NSD1: variants seen among roughly 807,000 people sequenced by gnomAD.
NSD1 encodes the protein nuclear receptor binding SET domain protein 1.
NSD1 carries 26 observed loss-of-function variants against 242.7 expected under a neutral mutation model. The ratio of observed to expected loss-of-function variants is 0.11; its 90% CI spans 0.08 to 0.15. The LOEUF (loss-of-function observed/expected upper bound fraction) is 0.15. NSD1 is among the 10% of genes least tolerant of loss of function. The pLI, the probability that NSD1 is intolerant of heterozygous loss-of-function variation, is 1.00. For synonymous variants in NSD1, 1,106 were observed against 1,178.1 expected (o/e 0.94, Z 1.25); for missense variants, 2,495 against 3,272.8 (o/e 0.76, Z 5.80).
rs2127281464 is a variant in NSD1 at position 177,294,494 on chromosome 5, G to C, written c.7126G>C (p.Glu2376Gln). 6.2e-7 allele frequency: 1 copy of C among 1,614,170 alleles called. No homozygotes were observed. Among genetic ancestry groups the C allele is most frequent in the Non-Finnish European group, 8.5e-7 (1 of 1,180,038 alleles). ...TGCCAGCCCAAGGCCCCAGTCACTG[G>C]AGAAAACCTCAGTTCCCACTGGCCT... ...GAASPRPQSLEKTSVPTGLRL... is the reference protein window; with the variant it reads ...GAASPRPQSLQKTSVPTGLRL... The change falls in exon 23 of 23, where the codon GAG becomes CAG. Residue 2376 changes from glutamate (E) to glutamine (Q), a missense_variant. Physicochemically the swap from Glu to Gln is conservative, Grantham distance 29. Coordinates refer to ENST00000439151, the MANE Select transcript of NSD1 (RefSeq NM_022455.5).
intron 2 of NSD1, among the ~76,000 whole-genome samples, chr5:177,157,538 A>G (rs759003001): frequency 1.1e-4 from 16 of 151,996 alleles, no homozygotes; most frequent in Non-Finnish European, 2.4e-4. Flanking sequence ...ATCTCTACTA[A>G]AAATACAAAA....
At chr5:177,230,085 T>C (rs1764940636) in intron 5 of NSD1, among the ~76,000 whole-genome samples, 1 of 152,172 alleles carries the variant, frequency 6.6e-6, no homozygotes, top group East Asian at 1.9e-4. Context: ...GTCACCATGC[T>C]GTTTCACTTA....
intron 3 of NSD1, among the ~76,000 whole-genome samples, chr5:177,198,435 G>A (rs944556522): frequency 2.6e-5 from 4 of 152,116 alleles, no homozygotes; most frequent in African/African-American, 9.7e-5. Flanking sequence ...CCTTGTTGCT[G>A]TGTCGTCATT....
chr5:177,171,112 A>G (rs1759667400), intron 2 of NSD1, among the ~76,000 whole-genome samples: 1 of 151,900 alleles, frequency 6.6e-6, no homozygotes, highest in African/African-American at 2.4e-5. Context: ...CACAAGGTCA[A>G]GAGATTGAGA....
chr5:177,166,418 T>G (rs919245763), intron 2 of NSD1, among the ~76,000 whole-genome samples: 7 of 151,976 alleles, frequency 4.6e-5, no homozygotes, highest in African/African-American at 7.2e-5. Context: ...TGTGGTGGCA[T>G]GCACCTGTAG....
At chr5:177,197,185 G>T (rs1282343223) in intron 3 of NSD1, among the ~76,000 whole-genome samples, 1 of 151,822 alleles carries the variant, frequency 6.6e-6, no homozygotes, top group African/African-American at 2.4e-5. Flanking sequence ...CAGGAGGATT[G>T]CTTAAACTTG....
chr5:177,266,005 A>C (rs1757412407), intron 14 of NSD1: 2 of 1,031,252 alleles, frequency 1.9e-6, no homozygotes. Flanking sequence ...TGATGGCCAC[A>C]TCTTTGATGC....
intron 9 of NSD1, among the ~76,000 whole-genome samples, chr5:177,245,787 C>T (rs1766234771): frequency 6.6e-6 from 1 of 151,448 alleles, no homozygotes; most frequent in African/African-American, 2.4e-5. Flanking sequence ...AGATGTACTC[C>T]CTCACGCCTG....
rs1764184263 is a variant in NSD1 at position 177,220,923 on chromosome 5, G to C, written c.3796+8728G>C. 7.0e-6 allele frequency: 3 copies of C among 428,284 alleles called. No homozygotes were observed. The Admixed American group carries it at 7.7e-5, about 11-fold the overall frequency. The allele number at this position is 428,284 out of a possible 1,614,324, so 26.5% of individuals were successfully genotyped here. On this transcript the variant is annotated intron_variant, in intron 5 of 22. Coordinates refer to ENST00000439151, the MANE Select transcript of NSD1 (RefSeq NM_022455.5). ...TCTGTCATCCAGGCTGTAGTGCAGT[G>C]GGGCAATCTCAGCTCACTGCAACCT...
Position 177,252,585 on chromosome 5 carries a change from CTTG to C in NSD1, c.4765+737_4765+739del, listed in dbSNP as rs1392349116. Among the ~76,000 whole-genome samples, 3 of 90,966 alleles carry C rather than the reference CTTG, an allele frequency of 3.3e-5. No individual in the cohort carries two copies. In the East Asian group the frequency reaches 1.2e-3, roughly 35 times the overall value. The allele number at this position is 90,966 out of a possible 152,430, so 59.7% of individuals were successfully genotyped here. A position where few individuals can be genotyped will look rare whatever the true frequency, so the allele number is the denominator to read the frequency against. ...TTTTTTTTTTAATAAGAGATGAGGT[CTTG>C]TTGTCCAGGTTTGAGTACAGTGGCG... is the stretch of plus-strand genomic sequence containing the variant. On this transcript the variant is annotated intron_variant, in intron 12 of 22. Coordinates refer to ENST00000439151, the MANE Select transcript of NSD1 (RefSeq NM_022455.5).
chr5:177,258,905 A>G (rs1386285989), intron 13 of NSD1, among the ~76,000 whole-genome samples: 1 of 152,068 alleles, frequency 6.6e-6, no homozygotes, highest in East Asian at 1.9e-4. Context: ...TGTGATCTCA[A>G]CTCACTGCAA....
At chr5:177,173,590 C>T (rs979697860) in intron 2 of NSD1, among the ~76,000 whole-genome samples, 4 of 150,210 alleles carry the variant, frequency 2.7e-5, no homozygotes, top group African/African-American at 9.8e-5. Flanking sequence ...TCTCCTGCCT[C>T]AGCCTCCTGA....
At chr5:177,143,328 A>ATT (rs757688131) in intron 2 of NSD1, among the ~76,000 whole-genome samples, 50 of 148,100 alleles carry the variant, frequency 3.4e-4, no homozygotes, top group Non-Finnish European at 6.4e-4. Flanking sequence ...AAGGATAATA[A>ATT]TTTTTTTTTT....
chr5:177,157,652 G>T (rs1758249055), intron 2 of NSD1, among the ~76,000 whole-genome samples: 1 of 152,106 alleles, frequency 6.6e-6, no homozygotes, highest in Non-Finnish European at 1.5e-5. Flanking sequence ...CAAAAATAAA[G>T]AATAAAATGC....
At chr5:177,185,847 A>G (rs1162395088) in intron 2 of NSD1, among the ~76,000 whole-genome samples, 1 of 86,950 alleles carries the variant, frequency 1.2e-5, no homozygotes, top group Non-Finnish European at 2.0e-5. Context: ...ATATTTAAAT[A>G]TATATTATAT....
intron 2 of NSD1, 87 bp downstream of exon 2, chr5:177,136,117 T>G (rs532155839): frequency 1.6e-6 from 2 of 1,212,140 alleles, no homozygotes; most frequent in Non-Finnish European, 1.2e-6. Context: ...AATTTGTTTT[T>G]GGTTGCTTAT....
At position 177,269,844 on chromosome 5, in the gene NSD1, A is replaced by T; in HGVS notation, c.5509+37A>T. ...CTTTTTGTTTCTCAGGCAAACACAG[A>T]CCTCTGTTACCTGAGTGTCTGATCT... On this transcript the variant is annotated intron_variant, in intron 16 of 22. Coordinates refer to ENST00000439151, the MANE Select transcript of NSD1 (RefSeq NM_022455.5). The surrounding 1 kb of genome is among the most constrained non-coding windows in gnomAD (Gnocchi z 5.1). The T allele has an allele frequency of 6.5e-7, 1 of 1,529,480 alleles. No individual in the cohort carries two copies. The highest frequency in any genetic ancestry group is 9.0e-7 in the Non-Finnish European group (1 of 1,114,890). The allele number at this position is 1,529,480 out of a possible 1,614,324, so 94.7% of individuals were successfully genotyped here.
chr5:177,239,234 A>T (rs1010193645), intron 7 of NSD1, among the ~76,000 whole-genome samples: 1 of 152,232 alleles, frequency 6.6e-6, no homozygotes, highest in African/African-American at 2.4e-5. Flanking sequence ...ATAATAAAAA[A>T]GATTTTTGAA....
intron 5 of NSD1, among the ~76,000 whole-genome samples, chr5:177,225,140 T>C (rs1339467669): frequency 1.3e-5 from 2 of 152,084 alleles, no homozygotes; most frequent in African/African-American, 4.8e-5. Context: ...TTTTTGTTGT[T>C]GATGTTTTTT....
Sources: gnomAD v4.1 joint callset for allele counts (sites outside exome capture counted in the v4.1 genomes callset) on GRCh38, gnomAD v4.1.1 for gene constraint, Gnocchi (gnomAD v3.1) non-coding constraint, MANE v1.5 for transcripts, NCBI Gene and HGNC (gene_info 2026-07-23, HGNC 2026-07-21) for gene names.